The following CTDSPL variants were observed in gnomAD, a reference collection of about 807,000 sequenced individuals.
The protein encoded by CTDSPL is CTD small phosphatase like.
Under a neutral mutation model 30.5 loss-of-function variants are expected in CTDSPL, and 8 were observed. The observed-to-expected ratio is 0.26, with a 90% CI of 0.15 to 0.47. The LOEUF is 0.47. Ranked by LOEUF, CTDSPL falls within the 20% of genes least tolerant of loss-of-function variation. CTDSPL has a pLI of 0.99. For synonymous variants in CTDSPL, 110 were observed against 137.9 expected (o/e 0.80, Z 1.42); for missense variants, 248 against 366.1 (o/e 0.68, Z 2.63).
chr3:37,920,257 G>A (rs1042693116), intron 1 of CTDSPL, among the ~76,000 whole-genome samples: 27 of 152,162 alleles, frequency 1.8e-4, no homozygotes, highest in African/African-American at 6.0e-4. Context: ...GAACCAGCCT[G>A]GACTGTTGCC....
In CTDSPL at chr3:37,871,621, G is replaced by T. The variant is rs935965312; in HGVS notation, c.79+9343G>T. On this transcript the variant is annotated intron_variant, in intron 1 of 7. Transcript: ENST00000273179. Reference sequence around the variant, plus strand: ...GCATGGATTTCTTTTAGCTTATTCTGTTTGCAGTTCATTCTGCTTCTTGGT... The same window carrying T: ...GCATGGATTTCTTTTAGCTTATTCTTTTTGCAGTTCATTCTGCTTCTTGGT... Among the ~76,000 whole-genome samples the T allele has an allele frequency of 4.6e-5, 7 of 152,150 alleles. 1 individual carries two copies. Among genetic ancestry groups the T allele is most frequent in the Admixed American group, 2.6e-4 (4 of 15,278 alleles).
At chr3:37,939,729 C>T (rs1174565424) in intron 1 of CTDSPL, among the ~76,000 whole-genome samples, 1 of 150,284 alleles carries the variant, frequency 6.7e-6, no homozygotes, top group African/African-American at 2.4e-5. Context: ...AGGCCTTTTA[C>T]ACATTGCTGT....
At chr3:37,928,567 A>AT in intron 1 of CTDSPL, among the ~76,000 whole-genome samples, 1 of 150,934 alleles carries the variant, frequency 6.6e-6, no homozygotes, top group Non-Finnish European at 1.5e-5. Flanking sequence ...CCCATGTTTT[A>AT]TTTTTTCTGT....
chr3:37,893,656 C>A (rs1430059279), intron 1 of CTDSPL, among the ~76,000 whole-genome samples: 2 of 152,152 alleles, frequency 1.3e-5, no homozygotes, highest in Non-Finnish European at 2.9e-5. Flanking sequence ...CATTCTTTCT[C>A]TAGGTCTCGA....
At chr3:37,926,307 C>T (rs1007482313) in intron 1 of CTDSPL, among the ~76,000 whole-genome samples, 3 of 152,192 alleles carry the variant, frequency 2.0e-5, no homozygotes, top group Non-Finnish European at 2.9e-5. Context: ...CTGAGGGCAA[C>T]AGCTAAGGTA....
chr3:37,895,481 G>A (rs1698380513), intron 1 of CTDSPL, among the ~76,000 whole-genome samples: 1 of 152,154 alleles, frequency 6.6e-6, no homozygotes, highest in Admixed American at 6.5e-5. Flanking sequence ...CCCAAAGTCT[G>A]TCACCCAAGC....
chr3:37,921,273 A>G (rs577859881), intron 1 of CTDSPL, among the ~76,000 whole-genome samples: 32 of 152,312 alleles, frequency 2.1e-4, no homozygotes, highest in African/African-American at 7.2e-4. Flanking sequence ...ATGGTGTCCC[A>G]GATCTTTCCA....
intron 1 of CTDSPL, among the ~76,000 whole-genome samples, chr3:37,871,328 G>C (rs927217457): frequency 6.6e-6 from 1 of 152,078 alleles, no homozygotes; most frequent in Non-Finnish European, 1.5e-5. Flanking sequence ...TTCATAGTCT[G>C]TATGTACCAC....
chr3:37,885,489 C>T (rs1211720703), intron 1 of CTDSPL, among the ~76,000 whole-genome samples: 1 of 152,100 alleles, frequency 6.6e-6, no homozygotes, highest in African/African-American at 2.4e-5. Context: ...GTTGACTCCT[C>T]AGGGAAGGCT....
chr3:37,914,051 A>G (rs1698614614), intron 1 of CTDSPL, among the ~76,000 whole-genome samples: 1 of 152,212 alleles, frequency 6.6e-6, no homozygotes, highest in Non-Finnish European at 1.5e-5. Flanking sequence ...ACAGTATAGA[A>G]TCTTTAAAAC....
chr3:37,930,182 C>T (rs1218409724), intron 1 of CTDSPL, among the ~76,000 whole-genome samples: 1 of 151,318 alleles, frequency 6.6e-6, no homozygotes, highest in Non-Finnish European at 1.5e-5. Context: ...TCCAGTTTTC[C>T]TTCTGTAGAT....
At chr3:37,976,060 C>T (rs894520124) in intron 7 of CTDSPL, among the ~76,000 whole-genome samples, 166 bp downstream of exon 7, 1 of 152,182 alleles carries the variant, frequency 6.6e-6, no homozygotes, top group East Asian at 1.9e-4. Context: ...AGTTATTTAA[C>T]CTCACTGAGC....
intron 1 of CTDSPL, among the ~76,000 whole-genome samples, chr3:37,881,627 A>G (rs1159917871): frequency 6.6e-6 from 1 of 152,274 alleles, no homozygotes; most frequent in Non-Finnish European, 1.5e-5. Flanking sequence ...TAACATGGCT[A>G]AAACTAAAAA....
intron 1 of CTDSPL, among the ~76,000 whole-genome samples, chr3:37,941,690 G>A (rs1161670418): frequency 2.7e-5 from 4 of 150,102 alleles, no homozygotes; most frequent in South Asian, 2.1e-4. Context: ...CATTTGGGCC[G>A]GGCATGTTTT....
At position 37,982,254 on chromosome 3, in the gene CTDSPL, C is replaced by G. The variant is rs1291281078; in HGVS notation, c.*1387C>G. ...ATTTCTGAGCCAAGGGTTGGGGAAG[C>G]CTGTCTAGATGTGGGACTCATTGCC... is the stretch of plus-strand genomic sequence containing the variant. On this transcript the variant is annotated 3_prime_UTR_variant, in exon 8 of 8. Coordinates refer to ENST00000273179, the MANE Select transcript of CTDSPL (RefSeq NM_001008392.2). 11 of 316,256 alleles carry G rather than the reference C, an allele frequency of 3.5e-5. No homozygotes were observed. The Admixed American group carries it at 4.4e-4, about 13-fold the overall frequency. The allele number at this position is 316,256 out of a possible 1,614,324, so 19.6% of individuals were successfully genotyped here. A position where few individuals can be genotyped will look rare whatever the true frequency, so the allele number is the denominator to read the frequency against.
chr3:37,957,144 G>T lies in CTDSPL; in HGVS notation c.267+1G>T. The T allele has an allele frequency of 6.3e-7, 1 of 1,581,234 alleles. No individual in the cohort carries two copies. Among genetic ancestry groups the T allele is most frequent in the South Asian group, 1.2e-5 (1 of 86,542 alleles). Reference sequence around the variant, plus strand: ...GAGGCAGGTCATTCCCATACCAAGTGTATGTATATTTATCTAATTTTATTT... The same window carrying T: ...GAGGCAGGTCATTCCCATACCAAGTTTATGTATATTTATCTAATTTTATTT... On this transcript the variant is annotated splice_donor_variant, in intron 3 of 7. Coordinates refer to ENST00000273179, the MANE Select transcript of CTDSPL (RefSeq NM_001008392.2). LOFTEE classifies it high-confidence loss of function.
intron 5 of CTDSPL, among the ~76,000 whole-genome samples, chr3:37,968,629 A>G (rs1043238941): frequency 6.6e-6 from 1 of 152,226 alleles, no homozygotes; most frequent in African/African-American, 2.4e-5. Context: ...AAGGGAGCGT[A>G]TCTGGCCTGA....
intron 1 of CTDSPL, among the ~76,000 whole-genome samples, chr3:37,914,082 C>G (rs961255773): frequency 6.6e-6 from 1 of 152,148 alleles, no homozygotes; most frequent in Non-Finnish European, 1.5e-5. Flanking sequence ...GTATATCCCT[C>G]CATTTATTTA....
At chr3:37,905,501 C>T (rs1394132723) in intron 1 of CTDSPL, among the ~76,000 whole-genome samples, 1 of 152,156 alleles carries the variant, frequency 6.6e-6, no homozygotes, top group Admixed American at 6.5e-5. Context: ...TGGGTCAATG[C>T]ACAGCTATTT....
Sources: gnomAD v4.1 joint callset for allele counts (sites outside exome capture counted in the v4.1 genomes callset) on GRCh38, gnomAD v4.1.1 for gene constraint, MANE v1.5 for transcripts, NCBI Gene and HGNC (gene_info 2026-07-23, HGNC 2026-07-21) for gene names.